The following ANKRD50 variants were observed in gnomAD, a reference collection of about 807,000 sequenced individuals.
ANKRD50 encodes ankyrin repeat domain-containing protein 50.
Under a neutral mutation model 112.0 loss-of-function variants are expected in ANKRD50, and 40 were observed. The ratio of observed to expected loss-of-function variants is 0.36; its 90% CI spans 0.28 to 0.46. The LOEUF (loss-of-function observed/expected upper bound fraction) is 0.46. Ranked by LOEUF, ANKRD50 falls within the 20% of genes least tolerant of loss-of-function variation. The probability of loss-of-function intolerance (pLI) is 1.00; values close to 1 mark genes in which losing one functional copy is unlikely to be tolerated. For synonymous variants in ANKRD50, 613 were observed against 619.1 expected, an observed-to-expected ratio of 0.99 and a Z score of 0.15; for missense variants, 1,487 against 1,701.7, an observed-to-expected ratio of 0.87 and a Z score of 2.22.
chr4:124,667,941 A>C (rs1730536685), intron 4 of ANKRD50, among the ~76,000 whole-genome samples: 2 of 151,984 alleles, frequency 1.3e-5, no homozygotes, highest in African/African-American at 4.8e-5. Flanking sequence ...TGTTTCACCT[A>C]TTATATCCCT....
In ANKRD50 at chr4:124,670,454, G is replaced by A. The variant is rs1730614090; in HGVS notation, c.2823C>T (p.Cys941=). Residue 941 remains cysteine (C), a synonymous_variant, in exon 4 of 5, where the codon TGC becomes TGT. Coordinates refer to ENST00000504087, the MANE Select transcript of ANKRD50 (RefSeq NM_020337.3). ...GTGTAGGCCGACCATCAGCATCTTT[G>A]CAGTTAACATCAGCACCATGGCTAA... ...LLFSHGADVN[C]KDADGRPTLY... is the part of the protein sequence containing the mutation. 1.9e-6 allele frequency: 3 copies of A among 1,613,820 alleles called. No homozygotes were observed. Among genetic ancestry groups the A allele is most frequent in the South Asian group, 1.1e-5 (1 of 91,068 alleles).
At chr4:124,680,087 G>C (rs1724845077) in intron 2 of ANKRD50, among the ~76,000 whole-genome samples, 1 of 152,150 alleles carries the variant, frequency 6.6e-6, no homozygotes, top group Non-Finnish European at 1.5e-5. Flanking sequence ...CCTTCTCAAG[G>C]TCAAATCCCT....
intron 2 of ANKRD50, among the ~76,000 whole-genome samples, chr4:124,686,781 T>A (rs528519207): frequency 6.6e-6 from 1 of 152,130 alleles, no homozygotes; most frequent in African/African-American, 2.4e-5. Context: ...ATTGAGAAAA[T>A]CCACCTGGAA....
chr4:124,709,489 G>T (rs899948196), intron 2 of ANKRD50, among the ~76,000 whole-genome samples: 4 of 151,758 alleles, frequency 2.6e-5, no homozygotes, highest in African/African-American at 9.7e-5. Flanking sequence ...CAATTAGTTA[G>T]TTAATAGGAG....
intron 3 of ANKRD50, 37 bp from the exon 4 acceptor site, chr4:124,672,571 A>T: frequency 7.0e-7 from 1 of 1,431,788 alleles, no homozygotes; most frequent in Non-Finnish European, 9.5e-7. Context: ...TAATCAGTTG[A>T]AAAGGATTAT....
chr4:124,681,046 A>G (rs1015911484), intron 2 of ANKRD50, among the ~76,000 whole-genome samples: 1 of 152,164 alleles, frequency 6.6e-6, no homozygotes, highest in African/African-American at 2.4e-5. Context: ...ATATGTTTAT[A>G]CTGGAGTTTA....
chr4:124,698,973 A>C lies in ANKRD50; in HGVS notation c.512+11027T>G, dbSNP rs112445280. Among the ~76,000 whole-genome samples, 796 of 152,294 alleles carry C rather than the reference A, an allele frequency of 5.2e-3. 1 individual carries two copies. The highest frequency in any genetic ancestry group is 8.8e-3 in the Non-Finnish European group (596 of 68,018). On this transcript the variant is annotated intron_variant, in intron 2 of 4. Transcript: ENST00000504087. ...AGCTTGTTTTGTGTTATTGTAAAAA[A>C]CAATTGTCTGTAAATGAATTAAAAG...
In ANKRD50 at chr4:124,669,321, G is replaced by A. The variant is rs1475670519; in HGVS notation, c.3956C>T (p.Pro1319Leu). Reference sequence around the variant, plus strand: ...TTGAGATTCTGCTGGCATTTGTTTAGGTGGTGCAGCAGTCCCGGATTTGGC... The same window carrying A: ...TTGAGATTCTGCTGGCATTTGTTTAAGTGGTGCAGCAGTCCCGGATTTGGC... Reference protein sequence around the residue: ...PIAKSGTAAPPKQMPAESQCK... With the variant: ...PIAKSGTAAPLKQMPAESQCK... The change falls in exon 4 of 5, where the codon CCT becomes CTT. Residue 1319 changes from proline to leucine, a missense_variant. Physicochemically the swap from Pro to Leu is moderately conservative, Grantham distance 98 (BLOSUM62 -3). Transcript: ENST00000504087. 1 of 1,613,786 alleles carries A rather than the reference G, an allele frequency of 6.2e-7. No homozygotes were observed. Among genetic ancestry groups the A allele is most frequent in the Admixed American group, 1.7e-5 (1 of 59,980 alleles).
In ANKRD50 at chr4:124,672,011, AGT is replaced by A; in HGVS notation, c.1264_1265del (p.Thr422SerfsTer6). Reference sequence around the variant, plus strand: ...CTGCTGCATTACATAAATACTTCTGAGTACAGTGTTTCACATCCAGAAGCCAC... The same window carrying A: ...CTGCTGCATTACATAAATACTTCTGAACAGTGTTTCACATCCAGAAGCCAC... The part of the protein sequence containing the change: ...AEWLLDVKHC[T>X]QKYLCNAAEG... On this transcript the variant is annotated frameshift_variant, in exon 4 of 5. Transcript: ENST00000504087. LOFTEE classifies it high-confidence loss of function. 6.2e-7 allele frequency: 1 copy of A among 1,613,912 alleles called. No homozygotes were observed. The highest frequency in any genetic ancestry group is 8.5e-7 in the Non-Finnish European group (1 of 1,179,880).
chr4:124,710,194 T>C lies in ANKRD50; in HGVS notation c.318A>G (p.Gln106=), dbSNP rs935980067. The C allele has an allele frequency of 6.2e-7, 1 of 1,614,198 alleles. No individual in the cohort carries two copies. Among genetic ancestry groups the C allele is most frequent in the Admixed American group, 1.7e-5 (1 of 60,024 alleles). The change falls in exon 2 of 5, where the codon CAA becomes CAG. Residue 106 remains glutamine, a synonymous_variant. Coordinates refer to ENST00000504087, the MANE Select transcript of ANKRD50 (RefSeq NM_020337.3). The stretch of plus-strand genomic sequence containing the variant: ...CTTTGCAGAAATGAAAGGCCAAAGC[T>C]TGGCGATGTAAACCTCTCTGCAAAC... ...PASLQRGLHR[Q]ALAFHFCKAQ...
At chr4:124,687,866 A>C (rs1364849292) in intron 2 of ANKRD50, among the ~76,000 whole-genome samples, 1 of 152,198 alleles carries the variant, frequency 6.6e-6, no homozygotes, top group Admixed American at 6.5e-5. Context: ...TGACAACACC[A>C]AGTGCTGGTG....
Position 124,669,979 on chromosome 4 carries a change from A to C in ANKRD50, c.3298T>G (p.Tyr1100Asp), listed in dbSNP as rs745546033. The C allele has an allele frequency of 6.2e-7, 1 of 1,609,382 alleles. No individual in the cohort carries two copies. Among genetic ancestry groups the C allele is most frequent in the Non-Finnish European group, 8.5e-7 (1 of 1,178,934 alleles). The change falls in exon 4 of 5, where the codon TAT (tyrosine) becomes GAT (aspartate). Residue 1100 changes from tyrosine (Y) to aspartate (D), a missense_variant. Transcript: ENST00000504087. ...CAGCCATTCAAACTAGATGCACCAT[A>C]TTTTTCTAATAATTTAATTATCTGA... The part of the protein sequence containing the change: ...HSQIIKLLEK[Y>D]GASSLNGCSP...
intron 2 of ANKRD50, among the ~76,000 whole-genome samples, chr4:124,682,388 G>T (rs1193398601): frequency 6.8e-6 from 1 of 147,806 alleles, no homozygotes; most frequent in African/African-American, 2.5e-5. Context: ...AGACTGTTCT[G>T]TAATTGACAA....
chr4:124,670,168 C>T lies in ANKRD50; in HGVS notation c.3109G>A (p.Val1037Ile), dbSNP rs769772793. 1.3e-5 allele frequency: 21 copies of T among 1,612,702 alleles called. No homozygotes were observed. The East Asian group carries it at 3.3e-4, about 26-fold the overall frequency. ...CCTTGGTTACATGTATGGTCAACTACAGCACCATGCTCAATCAGAAGCTGA... is the reference window on the plus strand; with the variant it reads ...CCTTGGTTACATGTATGGTCAACTATAGCACCATGCTCAATCAGAAGCTGA... Reference protein sequence around the residue: ...VVQLLIEHGAVVDHTCNQGAT... With the variant: ...VVQLLIEHGAIVDHTCNQGAT... Residue 1037 changes from valine to isoleucine, a missense_variant, in exon 4 of 5, where the codon GTA (valine) becomes ATA (isoleucine). Transcript: ENST00000504087.
chr4:124,679,615 G>A (rs1251106146), intron 2 of ANKRD50, among the ~76,000 whole-genome samples: 1 of 152,064 alleles, frequency 6.6e-6, no homozygotes, highest in African/African-American at 2.4e-5. Flanking sequence ...GTGTGCTGTG[G>A]GGTCAATAAG....
rs1724917888 is a variant in ANKRD50, at chr4:124,682,564, T to A, written c.513-3659A>T. On this transcript the variant is annotated intron_variant, in intron 2 of 4. Transcript: ENST00000504087. ...GCTTCCTATATTTTGAAGTTCTGTT[T>A]TAAGGGCTACAAATGTTATGACTGT... is the stretch of plus-strand genomic sequence containing the variant. 2.0e-5 allele frequency among the ~76,000 whole-genome samples: 3 copies of A among 152,136 alleles called. No individual in the cohort carries two copies. In the South Asian group the frequency reaches 6.2e-4, roughly 32 times the overall value.
intron 2 of ANKRD50, among the ~76,000 whole-genome samples, chr4:124,707,291 T>A (rs1725528093): frequency 1.3e-5 from 2 of 152,062 alleles, no homozygotes; most frequent in African/African-American, 4.8e-5. Context: ...TATCCATGCC[T>A]AAATAAAATA....
chr4:124,672,728 A>T (rs974109722), intron 3 of ANKRD50, among the ~76,000 whole-genome samples, 194 bp from the exon 4 acceptor site: 1 of 152,020 alleles, frequency 6.6e-6, no homozygotes, highest in African/African-American at 2.4e-5. Context: ...TGGCAGAAAA[A>T]TTTCATTTTC....
chr4:124,689,759 C>G (rs1725090504), intron 2 of ANKRD50, among the ~76,000 whole-genome samples: 1 of 152,180 alleles, frequency 6.6e-6, no homozygotes, highest in African/African-American at 2.4e-5. Context: ...TTGTTGACTA[C>G]AGGTCTTAGG....
Sources: allele counts gnomAD v4.1 joint callset (sites outside exome capture counted in the v4.1 genomes callset), GRCh38; gene constraint gnomAD v4.1.1; transcripts MANE v1.5; gene names NCBI Gene and HGNC (gene_info 2026-07-23, HGNC 2026-07-21).